HEATR6: variants seen among roughly 807,000 people sequenced by gnomAD.
HEATR6 encodes the protein HEAT repeat containing 6, also known as HEAT repeat-containing protein 6.
HEATR6 carries 106 observed loss-of-function variants against 132.8 expected under a neutral mutation model. That is an observed-to-expected ratio of 0.80 (90% CI 0.68 to 0.94). HEATR6 has a LOEUF of 0.94. HEATR6 is among the 40% of genes least tolerant of loss of function. The pLI is 0.00. For missense variants in HEATR6, 1,339 were observed against 1,425.1 expected (o/e 0.94, Z 0.97); for synonymous variants, 529 against 537.8 (o/e 0.98, Z 0.23).
At chr17:60,056,744 A>C (rs1906754999) in intron 12 of HEATR6, among the ~76,000 whole-genome samples, 1 of 152,240 alleles carries the variant, frequency 6.6e-6, no homozygotes, top group Non-Finnish European at 1.5e-5. Flanking sequence ...AAAATCAAAA[A>C]TTAACTGTAC....
rs1330187605 is a variant in HEATR6, at chr17:60,066,327, G to A, written c.1298C>T (p.Ser433Leu). 1.4e-5 allele frequency: 23 copies of A among 1,613,074 alleles called. No homozygotes were observed. Among genetic ancestry groups the A allele is most frequent in the African/African-American group, 2.7e-5 (2 of 74,756 alleles). ...ALVCFLSTIK[S>L]IEKKVLYGYW... ...GCCATAAAGAACTTTTTTTTCTATC[G>A]ATTTTATAGTAGAAAGAAAACAAAC... The change falls in exon 9 of 20, where the codon TCG (serine) becomes TTG (leucine). Residue 433 changes from serine to leucine, a missense_variant. Physicochemically the swap from Ser to Leu is moderately radical, Grantham distance 145. Coordinates refer to ENST00000184956, the MANE Select transcript of HEATR6 (RefSeq NM_022070.5).
chr17:60,075,925 A>C, intron 2 of HEATR6: 1 of 399,274 alleles, frequency 2.5e-6, no homozygotes, highest in Non-Finnish European at 4.5e-6. Flanking sequence ...GCATACTTCT[A>C]ATAAACAAAC....
At chr17:60,070,906 C>T in intron 5 of HEATR6, 99 bp from the exon 6 acceptor site, 1 of 682,466 alleles carries the variant, frequency 1.5e-6, no homozygotes, top group Non-Finnish European at 2.7e-6. Flanking sequence ...GAGACAGTCT[C>T]TAGATGATGA....
chr17:60,055,596 C>T lies in HEATR6; in HGVS notation c.2208G>A (p.Leu736=). 1.9e-6 allele frequency: 3 copies of T among 1,607,660 alleles called. No homozygotes were observed. Among genetic ancestry groups the T allele is most frequent in the Non-Finnish European group, 2.5e-6 (3 of 1,177,092 alleles). The change falls in exon 14 of 20, where the codon CTG becomes CTA. Residue 736 remains leucine, a synonymous_variant. Transcript: ENST00000184956. Reference sequence around the variant, plus strand: ...GTATTAAGCCTGTGCCCAGTTCTTCCAGAAGCTGCCAAGAAAAAGAATTAC... The same window carrying T: ...GTATTAAGCCTGTGCCCAGTTCTTCTAGAAGCTGCCAAGAAAAAGAATTAC... ...PSIQLHGAKL[L]EELGTGLIQQ...
intron 7 of HEATR6, among the ~76,000 whole-genome samples, chr17:60,068,107 T>C (rs750279877): frequency 8.5e-5 from 13 of 152,342 alleles, no homozygotes; most frequent in Non-Finnish European, 1.8e-4. Flanking sequence ...GTATTCAGCC[T>C]TCTCAACTGG....
rs371606218 is a variant in HEATR6 at position 60,047,373 on chromosome 17, A to G, written c.2705T>C (p.Phe902Ser). The G allele has an allele frequency of 1.2e-4, 190 of 1,613,100 alleles. No homozygotes were observed. The highest frequency in any genetic ancestry group is 1.6e-4 in the Non-Finnish European group (184 of 1,179,542). ...CATTTTCAAGAGCAGGAGACCAGAG[A>G]ACTCTTCCTGGAAACTTGGGTCTGG... is the stretch of plus-strand genomic sequence containing the variant. ...ETPDPSFQEE[F>S]SGLLLLKMLR... Residue 902 changes from phenylalanine (F) to serine (S), a missense_variant, in exon 18 of 20, where the codon TTC becomes TCC. Transcript: ENST00000184956.
rs772595106 is a variant in HEATR6 at position 60,067,670 on chromosome 17, C to G, written c.1002G>C (p.Lys334Asn). 1 of 1,613,350 alleles carries G rather than the reference C, an allele frequency of 6.2e-7. No individual in the cohort carries two copies. ...CTGCCTCTATTTCACCACTGGATTC[C>G]TTTTCCTCCTCCTCTCCTTGCTGGA... Reference protein sequence around the residue: ...KKIQQGEEEEKESSGEIEAAP... With the variant: ...KKIQQGEEEENESSGEIEAAP... Residue 334 changes from lysine (K) to asparagine (N), a missense_variant, in exon 8 of 20, where the codon AAG (lysine) becomes AAC (asparagine). Transcript: ENST00000184956.
intron 11 of HEATR6, among the ~76,000 whole-genome samples, chr17:60,058,720 G>A (rs1297896150): frequency 6.6e-6 from 1 of 152,160 alleles, no homozygotes; most frequent in African/African-American, 2.4e-5. Flanking sequence ...ATGGGAGTGG[G>A]ATCCAGACCC....
chr17:60,065,814 C>A (rs1466877432), intron 9 of HEATR6, among the ~76,000 whole-genome samples: 3 of 152,184 alleles, frequency 2.0e-5, no homozygotes, highest in African/African-American at 7.2e-5. Flanking sequence ...CCTTATGCAT[C>A]CTTCATAGCC....
Position 60,069,668 on chromosome 17 carries a change from T to TA in HEATR6, c.939+42dup, listed in dbSNP as rs761729411. 9 of 1,585,262 alleles carry TA rather than the reference T, an allele frequency of 5.7e-6. No homozygotes were observed. In the African/African-American group the frequency reaches 1.1e-4, roughly 19 times the overall value. ...ATAGAAAACACACACAACAATCTAT[T>TA]AAAAATAAGCCACAACTTAAATCTA... On this transcript the variant is annotated intron_variant, in intron 7 of 19. Transcript: ENST00000184956.
Position 60,048,188 on chromosome 17 carries a change from A to C in HEATR6, c.2672+76T>G, listed in dbSNP as rs1906437456. The C allele has an allele frequency of 2.7e-6, 4 of 1,495,046 alleles. No individual in the cohort carries two copies. In the South Asian group the frequency reaches 5.1e-5, roughly 19 times the overall value. 92.6% of individuals were successfully genotyped at this position (1,495,046 alleles called of 1,614,324 possible). ...TGCGGGAACTACTGCTGATTCTTTC[A>C]TGGTAGAGATCGAGGACATTCTCTT... On this transcript the variant is annotated intron_variant, in intron 17 of 19. Transcript: ENST00000184956.
chr17:60,064,615 T>C (rs1371523392), intron 9 of HEATR6: 2 of 152,094 alleles, frequency 1.3e-5, no homozygotes, highest in Non-Finnish European at 2.9e-5. Context: ...TAGGATTTTC[T>C]TGTGGCTTTT....
At chr17:60,064,556 C>G (rs899986253) in intron 9 of HEATR6, 2 of 151,980 alleles carry the variant, frequency 1.3e-5, no homozygotes, top group African/African-American at 4.8e-5. Flanking sequence ...TAATTTCTTT[C>G]ATCTTTTAAA....
Position 60,055,482 on chromosome 17 carries a change from A to T in HEATR6, c.2289+33T>A, listed in dbSNP as rs142856652. 4 of 1,467,312 alleles carry T rather than the reference A, an allele frequency of 2.7e-6. No homozygotes were observed. In the East Asian group the frequency reaches 9.1e-5, roughly 33 times the overall value. 90.9% of individuals were successfully genotyped at this position (1,467,312 alleles called of 1,614,324 possible). A position where few individuals can be genotyped will look rare whatever the true frequency, so the allele number is the denominator to read the frequency against. On this transcript the variant is annotated intron_variant, in intron 14 of 19. Transcript: ENST00000184956. ...AAATAAAACTGCAACTGAAGCATTA[A>T]TAAAAGAAAACTATGAATTGACATT...
At chr17:60,074,524 T>C (rs9895182) in intron 2 of HEATR6, among the ~76,000 whole-genome samples, 18,263 of 152,216 alleles carry the variant, frequency 0.12, 1,633 homozygotes, top group African/African-American at 0.25. Context: ...AGAAGCTACC[T>C]CATGTTAGTT....
intron 13 of HEATR6, 108 bp downstream of exon 13, chr17:60,056,007 A>C: frequency 8.0e-7 from 1 of 1,244,162 alleles, no homozygotes; most frequent in Non-Finnish European, 1.1e-6. Context: ...ATTGAAGGAC[A>C]TGTGGCAGAA....
intron 6 of HEATR6, among the ~76,000 whole-genome samples, chr17:60,070,201 G>T (rs960026210): frequency 1.3e-5 from 2 of 151,984 alleles, no homozygotes; most frequent in Non-Finnish European, 2.9e-5. Context: ...TCCACCTATA[G>T]CTATCTCTCT....
At chr17:60,070,286 C>T (rs1306181088) in intron 6 of HEATR6, among the ~76,000 whole-genome samples, 1 of 152,076 alleles carries the variant, frequency 6.6e-6, no homozygotes, top group African/African-American at 2.4e-5. Flanking sequence ...AGCTGGGTCC[C>T]CAGAGATGCT....
rs1454673084 is a variant in HEATR6 at position 60,043,432 on chromosome 17, GGCT to G, written c.*128_*130del. The G allele has an allele frequency of 1.2e-6, 1 of 809,466 alleles. No individual in the cohort carries two copies. The highest frequency in any genetic ancestry group is 1.7e-5 in the African/African-American group (1 of 58,026). 50.1% of individuals were successfully genotyped at this position (809,466 alleles called of 1,614,324 possible). ...TTGAGCCCTCTGTGAAAATTTAAAT[GGCT>G]GCTAAGTCATTCTAAATAAATAGTG... is the stretch of plus-strand genomic sequence containing the variant. On this transcript the variant is annotated 3_prime_UTR_variant, in exon 20 of 20. Coordinates refer to ENST00000184956, the MANE Select transcript of HEATR6 (RefSeq NM_022070.5).
Sources: gnomAD v4.1 joint callset for allele counts (sites outside exome capture counted in the v4.1 genomes callset) on GRCh38, gnomAD v4.1.1 for gene constraint, MANE v1.5 for transcripts, NCBI Gene and HGNC (gene_info 2026-07-23, HGNC 2026-07-21) for gene names.